The following FHIT variants were observed in gnomAD, a reference collection of about 807,000 sequenced individuals.
FHIT encodes bis(5'-adenosyl)-triphosphatase.
A neutral mutation model predicts 17.9 loss-of-function variants in FHIT; 19 were observed. That is an observed-to-expected ratio of 1.06 (90% CI 0.74 to 1.56). FHIT has a LOEUF of 1.56. FHIT is among the 40% of genes most tolerant of loss of function. The probability of loss-of-function intolerance (pLI) is 0.00; values close to 1 mark genes in which losing one functional copy is unlikely to be tolerated. For missense variants in FHIT, 248 were observed against 189.2 expected (o/e 1.31, Z -1.82); for synonymous variants, 81 against 69.7 (o/e 1.16, Z -0.81).
At chr3:61,204,519 A>G (rs2039142751) in intron 1 of FHIT, among the ~76,000 whole-genome samples, 1 of 152,220 alleles carries the variant, frequency 6.6e-6, no homozygotes, top group Admixed American at 6.5e-5. Flanking sequence ...TTGAAATGGA[A>G]GGGAGAAAGA....
chr3:60,540,139 CAGA>C (rs1365077775), intron 4 of FHIT, among the ~76,000 whole-genome samples: 1 of 151,944 alleles, frequency 6.6e-6, no homozygotes, highest in African/African-American at 2.4e-5. Flanking sequence ...TGTAAAAACC[CAGA>C]AGAACAGGTT....
chr3:61,181,887 T>C (rs2038355486), intron 2 of FHIT, among the ~76,000 whole-genome samples: 1 of 152,232 alleles, frequency 6.6e-6, no homozygotes, highest in Admixed American at 6.5e-5. Flanking sequence ...TTCTATTACA[T>C]TTCTGTTCTA....
intron 4 of FHIT, among the ~76,000 whole-genome samples, chr3:60,747,527 G>C (rs776893092): frequency 1.3e-5 from 2 of 152,138 alleles, no homozygotes; most frequent in East Asian, 1.9e-4. Context: ...CAACTCCAAG[G>C]CACTTTCAGT....
At chr3:60,495,507 A>C (rs2034264393) in intron 5 of FHIT, among the ~76,000 whole-genome samples, 1 of 152,144 alleles carries the variant, frequency 6.6e-6, no homozygotes, top group Non-Finnish European at 1.5e-5. Context: ...AGGCAGTGAC[A>C]AATATCCATT....
intron 8 of FHIT, among the ~76,000 whole-genome samples, chr3:59,805,249 C>T (rs1459914792): frequency 6.6e-6 from 1 of 152,094 alleles, no homozygotes; most frequent in Non-Finnish European, 1.5e-5. Context: ...TTCTTATCCC[C>T]AAGTTTTCTA....
chr3:60,826,482 A>G (rs564903021), intron 3 of FHIT, among the ~76,000 whole-genome samples: 1 of 152,194 alleles, frequency 6.6e-6, no homozygotes, highest in South Asian at 2.1e-4. Context: ...ACGCACCACT[A>G]CGCCTGGCTA....
At chr3:60,132,675 C>A in intron 5 of FHIT, among the ~76,000 whole-genome samples, 1 of 152,092 alleles carries the variant, frequency 6.6e-6, no homozygotes, top group Non-Finnish European at 1.5e-5. Context: ...GTGAGATTTA[C>A]TGGATGGTTG....
At chr3:60,720,839 T>C (rs1419659185) in intron 4 of FHIT, among the ~76,000 whole-genome samples, 3 of 152,118 alleles carry the variant, frequency 2.0e-5, no homozygotes, top group Non-Finnish European at 2.9e-5. Flanking sequence ...GGCAGTAATA[T>C]GAATACATGT....
At chr3:60,401,972 A>G (rs1423978775) in intron 5 of FHIT, among the ~76,000 whole-genome samples, 1 of 152,052 alleles carries the variant, frequency 6.6e-6, no homozygotes, top group Non-Finnish European at 1.5e-5. Flanking sequence ...CCAGTCTGTA[A>G]TGATGGCAGC....
At chr3:60,490,792 A>G (rs1246127182) in intron 5 of FHIT, among the ~76,000 whole-genome samples, 4 of 152,092 alleles carry the variant, frequency 2.6e-5, no homozygotes, top group Admixed American at 6.5e-5. Context: ...CACATGATTT[A>G]ACAAATTCCC....
intron 5 of FHIT, among the ~76,000 whole-genome samples, chr3:60,488,004 T>C (rs1576745354): frequency 6.6e-6 from 1 of 152,144 alleles, no homozygotes; most frequent in African/African-American, 2.4e-5. Context: ...TACAAGACCA[T>C]CTGTGAAGCC....
intron 4 of FHIT, among the ~76,000 whole-genome samples, chr3:60,602,300 T>C (rs910960767): frequency 1.3e-5 from 2 of 151,978 alleles, no homozygotes; most frequent in African/African-American, 4.8e-5. Context: ...TCAATTACAA[T>C]AGGGAAAAGA....
intron 5 of FHIT, among the ~76,000 whole-genome samples, chr3:60,152,095 C>G (rs1309182072): frequency 6.6e-6 from 1 of 152,060 alleles, no homozygotes; most frequent in South Asian, 2.1e-4. Flanking sequence ...CAACACAGAC[C>G]AACGTTCAGA....
intron 5 of FHIT, among the ~76,000 whole-genome samples, chr3:60,324,059 A>G (rs1208607188): frequency 1.3e-5 from 2 of 152,192 alleles, no homozygotes; most frequent in African/African-American, 4.8e-5. Flanking sequence ...TAGAAGCAAT[A>G]ATGATGATGC....
intron 5 of FHIT, among the ~76,000 whole-genome samples, chr3:60,196,970 A>G (rs1472326019): frequency 6.6e-6 from 1 of 152,084 alleles, no homozygotes; most frequent in Non-Finnish European, 1.5e-5. Flanking sequence ...ATGCATATAA[A>G]CTCCATCCAA....
intron 4 of FHIT, among the ~76,000 whole-genome samples, chr3:60,757,341 G>C (rs1315578277): frequency 1.3e-5 from 2 of 152,168 alleles, no homozygotes; most frequent in South Asian, 4.1e-4. Flanking sequence ...ACTTTGTTTT[G>C]TTTACAGTTC....
At chr3:60,947,580 A>G (rs1214212139) in intron 3 of FHIT, among the ~76,000 whole-genome samples, 2 of 152,220 alleles carry the variant, frequency 1.3e-5, no homozygotes, top group Non-Finnish European at 2.9e-5. Flanking sequence ...GGTTGCATTC[A>G]CAAGTCTACA....
chr3:60,103,756 C>A (rs1322095975), intron 5 of FHIT, among the ~76,000 whole-genome samples: 1 of 152,142 alleles, frequency 6.6e-6, no homozygotes, highest in South Asian at 2.1e-4. Flanking sequence ...GTTTTCAGCT[C>A]GAAATAATCA....
intron 3 of FHIT, among the ~76,000 whole-genome samples, chr3:60,995,777 G>T (rs2030629648): frequency 6.6e-6 from 1 of 152,132 alleles, no homozygotes; most frequent in African/African-American, 2.4e-5. Context: ...TTGTGTAAAT[G>T]TATACAATCT....
Sources: gnomAD v4.1 joint callset for allele counts (sites outside exome capture counted in the v4.1 genomes callset) on GRCh38, gnomAD v4.1.1 for gene constraint, MANE v1.5 for transcripts, NCBI Gene and HGNC (gene_info 2026-07-23, HGNC 2026-07-21) for gene names.